SASH1: variants seen among roughly 807,000 people sequenced by gnomAD.
SASH1 encodes the protein SAM and SH3 domain containing 1, also known as SAM and SH3 domain-containing protein 1.
A neutral mutation model predicts 125.2 loss-of-function variants in SASH1; 44 were observed. The observed-to-expected ratio is 0.35, with a 90% CI of 0.28 to 0.45. SASH1 has a LOEUF of 0.45. SASH1 is among the 20% of genes least tolerant of loss of function. SASH1 has a pLI of 1.00. For missense variants in SASH1, 1,426 were observed against 1,614.5 expected, an observed-to-expected ratio of 0.88 and a Z score of 2.00; for synonymous variants, 639 against 649.1, an observed-to-expected ratio of 0.98 and a Z score of 0.24.
intron 8 of SASH1, chr6:148,508,502 G>A: frequency 9.9e-7 from 1 of 1,011,278 alleles, no homozygotes; most frequent in Non-Finnish European, 1.2e-6. Context: ...CTTCCTCAGT[G>A]AAAACAGGGA....
At chr6:148,440,611 TG>T in intron 4 of SASH1, 1 of 578,362 alleles carries the variant, frequency 1.7e-6, no homozygotes, top group Non-Finnish European at 3.1e-6. Context: ...CTGAGGATTT[TG>T]TGAAGAGTTA....
intron 1 of SASH1, among the ~76,000 whole-genome samples, chr6:148,314,894 T>A (rs1043777392): frequency 6.6e-6 from 1 of 151,894 alleles, no homozygotes; most frequent in African/African-American, 2.4e-5. Flanking sequence ...ATAGCTGGGA[T>A]TACAGGCGCC....
rs1228937373 is a variant in SASH1, at chr6:148,326,353, TATATGC to T, written n.74+53981_74+53986del. 3.9e-4 allele frequency among the ~76,000 whole-genome samples: 35 copies of T among 90,034 alleles called. 2 individuals are homozygous for T. Among genetic ancestry groups the T allele is most frequent in the Admixed American group, 8.3e-4 (6 of 7,248 alleles). 59.1% of individuals were successfully genotyped at this position (90,034 alleles called of 152,430 possible). A position where few individuals can be genotyped will look rare whatever the true frequency, so the allele number is the denominator to read the frequency against. ...ATATATATATATATATATATATATA[TATATGC>T]ATATATATATATATACATTCTTTTC... On this transcript the variant is annotated intron_variant and non_coding_transcript_variant, in intron 1 of 3. Coordinates refer to the SASH1 transcript ENST00000367469.
At chr6:148,489,850 CTG>C (rs151183028) in intron 8 of SASH1, among the ~76,000 whole-genome samples, 6,070 of 136,488 alleles carry the variant, frequency 0.044, 308 homozygotes, top group African/African-American at 0.13. Context: ...GCTATATAGG[CTG>C]TGTGTGTGTG....
intron 4 of SASH1, among the ~76,000 whole-genome samples, chr6:148,462,216 G>A (rs1034556599): frequency 6.6e-6 from 1 of 151,970 alleles, no homozygotes; most frequent in Non-Finnish European, 1.5e-5. Flanking sequence ...AATCCCTTAA[G>A]TACAGGTTTT....
intron 1 of SASH1, among the ~76,000 whole-genome samples, chr6:148,361,952 CG>C (rs1782234998): frequency 7.2e-6 from 1 of 138,262 alleles, no homozygotes; most frequent in Non-Finnish European, 1.5e-5. Context: ...CTCACTCTGT[CG>C]CCCAGGCTGG....
the SASH1 span, among the ~76,000 whole-genome samples, chr6:148,210,895 T>C: frequency 1.3e-5 from 2 of 152,200 alleles, no homozygotes; most frequent in African/African-American, 4.8e-5. Flanking sequence ...TAGAACACTT[T>C]TCATGTTGGT....
At chr6:148,215,146 C>T in the SASH1 span, among the ~76,000 whole-genome samples, 1 of 152,184 alleles carries the variant, frequency 6.6e-6, no homozygotes, top group South Asian at 2.1e-4. Context: ...AGGGGTTCTG[C>T]CAGCACCTGG....
rs997219418 is a variant in SASH1 at position 148,534,742 on chromosome 6, C to T, written c.1945-9C>T. ...TGACACCCTTCTGTCTTCCTTCTCCCTCTCACAGGAGCACATGCCCACTTT... is the reference window on the plus strand; with the variant it reads ...TGACACCCTTCTGTCTTCCTTCTCCTTCTCACAGGAGCACATGCCCACTTT... On this transcript the variant is annotated splice_polypyrimidine_tract_variant and intron_variant, in intron 15 of 19. Transcript: ENST00000367467. 8 of 1,614,102 alleles carry T rather than the reference C, an allele frequency of 5.0e-6. No individual in the cohort carries two copies. Among genetic ancestry groups the T allele is most frequent in the Non-Finnish European group, 6.8e-6 (8 of 1,179,974 alleles).
chr6:148,298,664 A>G (rs1367145311), intron 1 of SASH1, among the ~76,000 whole-genome samples: 8 of 84,134 alleles, frequency 9.5e-5, no homozygotes, highest in Non-Finnish European at 1.9e-4. Context: ...GGAGGGAGGG[A>G]GGGAGGAAGG....
At chr6:148,512,926 A>G in intron 8 of SASH1, 3 of 985,432 alleles carry the variant, frequency 3.0e-6, no homozygotes, top group Non-Finnish European at 3.6e-6. Flanking sequence ...GGGAGAAAGT[A>G]CCATGGCTCC....
Position 148,529,011 on chromosome 6 carries a change from A to G in SASH1, c.1428+1415A>G, listed in dbSNP as rs115372974. Among the ~76,000 whole-genome samples the G allele has an allele frequency of 3.7e-3, 556 of 152,152 alleles. 4 individuals are homozygous for G. Among genetic ancestry groups the G allele is most frequent in the African/African-American group, 0.013 (528 of 41,502 alleles). On this transcript the variant is annotated intron_variant, in intron 12 of 19. Coordinates refer to ENST00000367467, the MANE Select transcript of SASH1 (RefSeq NM_015278.5). This position sits in a 1 kb window ranked among gnomAD's most constrained non-coding sequence, Gnocchi z 4.2. ...CGTGCAACCTAGATGCCTCGTGTGC[A>G]CAATTCACAATAGGATTCGTGCTCC...
At chr6:148,302,114 G>C (rs1240802944) in intron 1 of SASH1, among the ~76,000 whole-genome samples, 1 of 148,958 alleles carries the variant, frequency 6.7e-6, no homozygotes, top group Non-Finnish European at 1.5e-5. Context: ...AGGAGATCGA[G>C]ACCATCCTGG....
intron 2 of SASH1, among the ~76,000 whole-genome samples, chr6:148,418,048 C>A (rs1009168867): frequency 6.6e-6 from 1 of 152,146 alleles, no homozygotes; most frequent in Non-Finnish European, 1.5e-5. Flanking sequence ...AATCTGAAAA[C>A]AAACCCAGTG....
chr6:148,293,017 C>T (rs1306487060), intron 1 of SASH1, among the ~76,000 whole-genome samples: 1 of 151,640 alleles, frequency 6.6e-6, no homozygotes, highest in Non-Finnish European at 1.5e-5. Flanking sequence ...GCACCACCCA[C>T]TGTACTCCAG....
At chr6:148,354,951 G>A (rs373433471) in intron 1 of SASH1, among the ~76,000 whole-genome samples, 1 of 152,128 alleles carries the variant, frequency 6.6e-6, no homozygotes, top group South Asian at 2.1e-4. Flanking sequence ...TAAAGATGGG[G>A]TTTCACCATG....
At chr6:148,410,916 T>C (rs899904881) in intron 2 of SASH1, among the ~76,000 whole-genome samples, 29 of 151,998 alleles carry the variant, frequency 1.9e-4, no homozygotes, top group African/African-American at 6.3e-4. Flanking sequence ...TCCCAGCACT[T>C]TGGGGGGCTG....
chr6:148,265,282 C>T, the SASH1 span, among the ~76,000 whole-genome samples: 1 of 148,716 alleles, frequency 6.7e-6, no homozygotes, highest in African/African-American at 2.5e-5. Flanking sequence ...TGCATTCCAG[C>T]CTAGGTGATA....
intron 1 of SASH1, among the ~76,000 whole-genome samples, chr6:148,324,125 A>AAAAAAC (rs1403921805): frequency 9.3e-5 from 14 of 149,812 alleles, no homozygotes; most frequent in South Asian, 4.2e-4. Flanking sequence ...TCTCAAAAAA[A>AAAAAAC]AAAAAAAAAA....
Sources: gnomAD v4.1 joint callset for allele counts (sites outside exome capture counted in the v4.1 genomes callset) on GRCh38, gnomAD v4.1.1 for gene constraint, Gnocchi (gnomAD v3.1) non-coding constraint, MANE v1.5 for transcripts, NCBI Gene and HGNC (gene_info 2026-07-23, HGNC 2026-07-21) for gene names.